The following KCNQ3 variants were observed in gnomAD, a reference collection of about 807,000 sequenced individuals.
The protein encoded by KCNQ3 is potassium voltage-gated channel subfamily KQT member 3.
In KCNQ3, 30 loss-of-function variants were observed where a neutral mutation model predicts 92.5. That is an observed-to-expected ratio of 0.32 (90% CI 0.24 to 0.44). The LOEUF (loss-of-function observed/expected upper bound fraction) is 0.44, where lower values mean the gene tolerates loss of function less well. KCNQ3 is among the 20% of genes least tolerant of loss of function. The pLI, the probability that KCNQ3 is intolerant of heterozygous loss-of-function variation, is 1.00. For missense variants in KCNQ3, 913 were observed against 1,140.3 expected, an observed-to-expected ratio of 0.80 and a Z score of 2.87; for synonymous variants, 450 against 468.8, an observed-to-expected ratio of 0.96 and a Z score of 0.52.
rs1229260579 is a variant in KCNQ3 at position 132,302,162 on chromosome 8, T to A, written c.387-115981A>T. Among the ~76,000 whole-genome samples, 3 of 152,058 alleles carry A rather than the reference T, an allele frequency of 2.0e-5. No homozygotes were observed. In the East Asian group the frequency reaches 5.8e-4, roughly 29 times the overall value. ...GGCTAGTCCACAAGTGGCAAGTGGG[T>A]CACAGTGGCTGAAGAGTAGAGAACG... On this transcript the variant is annotated intron_variant, in intron 1 of 14. Coordinates refer to ENST00000388996, the MANE Select transcript of KCNQ3 (RefSeq NM_004519.4).
At chr8:132,444,443 C>A (rs751474287) in intron 1 of KCNQ3, among the ~76,000 whole-genome samples, 2 of 152,304 alleles carry the variant, frequency 1.3e-5, no homozygotes, top group Non-Finnish European at 2.9e-5. Context: ...TAATGAGGCA[C>A]AAACTCATAA....
At chr8:132,410,746 C>T (rs1288766198) in intron 1 of KCNQ3, among the ~76,000 whole-genome samples, 1 of 152,190 alleles carries the variant, frequency 6.6e-6, no homozygotes, top group Non-Finnish European at 1.5e-5. Flanking sequence ...GCTGAGTTCC[C>T]CCAATGTCAA....
rs75822291 is a variant in KCNQ3 at position 132,466,104 on chromosome 8, A to C, written c.386+14043T>G. ...GTGCTTCTGAGAACACTATAATTCC[A>C]GCATATAGTAACAGCTTAGAAAGTT... On this transcript the variant is annotated intron_variant, in intron 1 of 14. Transcript: ENST00000388996. Among the ~76,000 whole-genome samples the C allele has an allele frequency of 7.4e-3, 1,128 of 152,312 alleles. 12 individuals carry two copies. Among genetic ancestry groups the C allele is most frequent in the African/African-American group, 0.025 (1,039 of 41,570 alleles).
intron 1 of KCNQ3, among the ~76,000 whole-genome samples, chr8:132,432,903 G>A (rs1191478378): frequency 6.6e-6 from 1 of 152,194 alleles, no homozygotes; most frequent in Non-Finnish European, 1.5e-5. Context: ...CCCAGTTCAT[G>A]CTAAGAATAA....
intron 1 of KCNQ3, among the ~76,000 whole-genome samples, chr8:132,453,338 A>G (rs1481236691): frequency 6.6e-6 from 1 of 152,178 alleles, no homozygotes; most frequent in East Asian, 1.9e-4. Flanking sequence ...GAAAAAGACA[A>G]CTCTGGCTGC....
chr8:132,442,938 C>T (rs1474062440), intron 1 of KCNQ3, among the ~76,000 whole-genome samples: 1 of 152,170 alleles, frequency 6.6e-6, no homozygotes, highest in Non-Finnish European at 1.5e-5. Flanking sequence ...ACCCTCTCCC[C>T]GAATCTGTGC....
At chr8:132,244,276 T>C (rs1815087980) in intron 1 of KCNQ3, among the ~76,000 whole-genome samples, 1 of 152,008 alleles carries the variant, frequency 6.6e-6, no homozygotes. Flanking sequence ...TTATATCACT[T>C]GCTATAAATA....
intron 1 of KCNQ3, among the ~76,000 whole-genome samples, chr8:132,294,502 T>C (rs1357797990): frequency 6.6e-6 from 1 of 152,206 alleles, no homozygotes; most frequent in African/African-American, 2.4e-5. Flanking sequence ...CTTGGTCCTA[T>C]AGGTCCTCTT....
intron 1 of KCNQ3, among the ~76,000 whole-genome samples, chr8:132,454,050 G>A (rs76428504): frequency 0.029 from 4,363 of 152,274 alleles, 216 homozygotes; most frequent in African/African-American, 0.1. Flanking sequence ...TGGCACCGTC[G>A]ATTAAAAGAA....
At chr8:132,335,661 A>G (rs1035511718) in intron 1 of KCNQ3, among the ~76,000 whole-genome samples, 1 of 152,226 alleles carries the variant, frequency 6.6e-6, no homozygotes, top group Non-Finnish European at 1.5e-5. Flanking sequence ...ATTTCAAAAG[A>G]GAATCCAAAT....
At chr8:132,358,529 C>G (rs1317184086) in intron 1 of KCNQ3, among the ~76,000 whole-genome samples, 1 of 152,170 alleles carries the variant, frequency 6.6e-6, no homozygotes, top group Non-Finnish European at 1.5e-5. Flanking sequence ...ATTCTATAAT[C>G]ATCATCAAAC....
intron 1 of KCNQ3, among the ~76,000 whole-genome samples, chr8:132,462,440 G>A (rs1052219110): frequency 7.2e-5 from 11 of 152,110 alleles, no homozygotes; most frequent in African/African-American, 1.4e-4. Flanking sequence ...TACCCACCTC[G>A]GCCTCCAAAA....
rs965940660 is a variant in KCNQ3 at position 132,424,417 on chromosome 8, A to G, written c.386+55730T>C. On this transcript the variant is annotated intron_variant, in intron 1 of 14. Transcript: ENST00000388996. The stretch of plus-strand genomic sequence containing the variant: ...CCCATTTTGTACTCCCATCCCCCCA[A>G]CCCTCTCATTCGACAGATGAGGAAA... Among the ~76,000 whole-genome samples, 24 of 151,552 alleles carry G rather than the reference A, an allele frequency of 1.6e-4. No homozygotes were observed. In the South Asian group the frequency reaches 3.4e-3, roughly 21 times the overall value.
At chr8:132,177,448 G>A (rs1397080389) in intron 4 of KCNQ3, among the ~76,000 whole-genome samples, 3 of 152,188 alleles carry the variant, frequency 2.0e-5, no homozygotes, top group African/African-American at 4.8e-5. Flanking sequence ...AAAGTGATGG[G>A]AGTGAATCCC....
At chr8:132,368,422 G>T (rs1819381262) in intron 1 of KCNQ3, among the ~76,000 whole-genome samples, 1 of 152,086 alleles carries the variant, frequency 6.6e-6, no homozygotes, top group Non-Finnish European at 1.5e-5. Context: ...GGAAGCTAAG[G>T]CAGGAGGATC....
At chr8:132,299,558 A>C (rs1435107635) in intron 1 of KCNQ3, among the ~76,000 whole-genome samples, 1 of 152,170 alleles carries the variant, frequency 6.6e-6, no homozygotes, top group Non-Finnish European at 1.5e-5. Flanking sequence ...CAAGGGAATA[A>C]ATGAACAAAT....
At chr8:132,207,901 G>C (rs1489820867) in intron 1 of KCNQ3, among the ~76,000 whole-genome samples, 1 of 134,346 alleles carries the variant, frequency 7.4e-6, no homozygotes, top group Non-Finnish European at 1.6e-5. Flanking sequence ...GTGGCTTCAA[G>C]TTTCCAAAAT....
intron 1 of KCNQ3, among the ~76,000 whole-genome samples, chr8:132,380,022 C>T (rs952145584): frequency 3.3e-5 from 5 of 151,798 alleles, no homozygotes; most frequent in Non-Finnish European, 7.4e-5. Flanking sequence ...TACAACCATA[C>T]GCTTTATTCA....
At chr8:132,220,368 C>T (rs184751619) in intron 1 of KCNQ3, among the ~76,000 whole-genome samples, 1 of 152,288 alleles carries the variant, frequency 6.6e-6, no homozygotes, top group East Asian at 1.9e-4. Flanking sequence ...AGCTGGTTCT[C>T]CAGACATGAT....
Sources: allele counts gnomAD v4.1 joint callset (sites outside exome capture counted in the v4.1 genomes callset), GRCh38; gene constraint gnomAD v4.1.1; transcripts MANE v1.5; gene names NCBI Gene and HGNC (gene_info 2026-07-23, HGNC 2026-07-21).